Variants in TMEM182 observed in about 807,000 individuals in gnomAD.
TMEM182 encodes transmembrane protein 182.
TMEM182 carries 20 observed loss-of-function variants against 26.8 expected under a neutral mutation model. The observed-to-expected ratio is 0.75, with a 90% CI of 0.53 to 1.09. The LOEUF (loss-of-function observed/expected upper bound fraction) is 1.09, where lower values mean the gene tolerates loss of function less well. TMEM182 is among the 50% of genes least tolerant of loss of function. The probability of loss-of-function intolerance (pLI) is 0.00; values close to 1 mark genes in which losing one functional copy is unlikely to be tolerated. For synonymous variants in TMEM182, 109 were observed against 102.2 expected, an observed-to-expected ratio of 1.07 and a Z score of -0.40; for missense variants, 277 against 275.5, an observed-to-expected ratio of 1.01 and a Z score of -0.04.
rs1473239512 is a variant in TMEM182 at position 102,797,966 on chromosome 2, C to T, written c.435C>T (p.Leu145=). The change falls in exon 4 of 5, where the codon CTC becomes CTT. Residue 145 remains leucine, a synonymous_variant. Coordinates refer to ENST00000412401, the MANE Select transcript of TMEM182 (RefSeq NM_144632.5). ...CAGCCCCCTTCGCCAGCCATTTTCT[C>T]TACAAAGCTGGGGGAGGCTCATATA... is the stretch of plus-strand genomic sequence containing the variant. ...ICAAPFASHF[L]YKAGGGSYIA... is the part of the protein sequence containing the mutation. 1 of 1,614,090 alleles carries T rather than the reference C, an allele frequency of 6.2e-7. No homozygotes were observed. The highest frequency in any genetic ancestry group is 1.7e-5 in the Admixed American group (1 of 59,988).
intron 3 of TMEM182, among the ~76,000 whole-genome samples, chr2:102,837,994 G>A (rs1051647583): frequency 6.6e-6 from 1 of 152,192 alleles, no homozygotes; most frequent in Non-Finnish European, 1.5e-5. Context: ...ACTAAACAAA[G>A]TGCAGGGCCC....
intron 3 of TMEM182, among the ~76,000 whole-genome samples, chr2:102,833,984 C>T (rs1683196444): frequency 1.3e-5 from 2 of 152,158 alleles, no homozygotes; most frequent in South Asian, 4.1e-4. Flanking sequence ...TAACTTATCC[C>T]ATTTGTGTAA....
rs113892479 is a variant in TMEM182, at chr2:102,827,499, A to C, written c.326-15913A>C. On this transcript the variant is annotated intron_variant, in intron 3 of 3. Coordinates refer to the TMEM182 transcript ENST00000486293. ...AATGTTCTCAGCTTCACGGCCCTCC[A>C]GTCTGGGTTTCTGTGCTATCTCGAA... is the stretch of plus-strand genomic sequence containing the variant. 7.2e-3 allele frequency among the ~76,000 whole-genome samples: 1,092 copies of C among 152,330 alleles called. 15 individuals carry two copies. The highest frequency in any genetic ancestry group is 0.025 in the African/African-American group (1,049 of 41,574).
At chr2:102,819,880 C>T (rs1682875761), downstream of TMEM182, among the ~76,000 whole-genome samples, 1 of 152,116 alleles carries the variant, frequency 6.6e-6, no homozygotes, top group Non-Finnish European at 1.5e-5. Context: ...GCCTTCTCTT[C>T]CTTGGATCCA....
chr2:102,835,243 G>A (rs1683222784), intron 3 of TMEM182, among the ~76,000 whole-genome samples: 1 of 152,146 alleles, frequency 6.6e-6, no homozygotes, highest in African/African-American at 2.4e-5. Flanking sequence ...ATGTAACATT[G>A]GAATCCAAAG....
At chr2:102,778,280 G>A (rs1681014012) in intron 3 of TMEM182, among the ~76,000 whole-genome samples, 1 of 151,714 alleles carries the variant, frequency 6.6e-6, no homozygotes, top group Admixed American at 6.6e-5. Context: ...AGTTTTCTTT[G>A]TGGTGAAGTC....
At chr2:102,779,324 T>C (rs1681059167) in intron 3 of TMEM182, among the ~76,000 whole-genome samples, 1 of 152,214 alleles carries the variant, frequency 6.6e-6, no homozygotes, top group South Asian at 2.1e-4. Context: ...TTTATCCTGT[T>C]TGGACTTTGC....
intron 3 of TMEM182, among the ~76,000 whole-genome samples, chr2:102,839,471 A>ATATAAT (rs1553446276): frequency 5.8e-4 from 78 of 134,876 alleles, no homozygotes; most frequent in African/African-American, 2.2e-3. Context: ...ATATATATAT[A>ATATAAT]ATATATACAC....
intron 3 of TMEM182, among the ~76,000 whole-genome samples, chr2:102,782,578 C>G (rs1395424770): frequency 2.0e-5 from 3 of 152,130 alleles, no homozygotes; most frequent in Non-Finnish European, 1.5e-5. Flanking sequence ...ATCAGGACTA[C>G]TTGAAAGCCA....
rs760592455 is a variant in TMEM182 at position 102,814,946 on chromosome 2, G to A, written c.668G>A (p.Trp223Ter). The change falls in exon 5 of 5, where the codon TGG becomes TAG. Residue 223 changes from tryptophan (W) to a stop codon, truncating the protein, a stop_gained. Transcript: ENST00000412401. LOFTEE classifies it high-confidence loss of function. ...LAGLLFLVVG[W>*]HIQIHH The stretch of plus-strand genomic sequence containing the variant: ...GGATTACTATTTCTGGTTGTTGGAT[G>A]GCATATTCAGATACATCACTAAATC... The A allele has an allele frequency of 2.7e-5, 44 of 1,613,512 alleles. No homozygotes were observed. The highest frequency in any genetic ancestry group is 3.2e-5 in the Non-Finnish European group (38 of 1,179,870).
rs147640501 is a variant in TMEM182, at chr2:102,816,472, G to C, written c.*1504G>C. Reference sequence around the variant, plus strand: ...GAAGGAGCTTTGGAAAAATTGCAAAGGTCTGAATCTTCAGGGCATTTTCAT... The same window carrying C: ...GAAGGAGCTTTGGAAAAATTGCAAACGTCTGAATCTTCAGGGCATTTTCAT... On this transcript the variant is annotated 3_prime_UTR_variant, in exon 5 of 5. Coordinates refer to ENST00000412401, the MANE Select transcript of TMEM182 (RefSeq NM_144632.5). 1.0e-6 allele frequency: 1 copy of C among 984,198 alleles called. No homozygotes were observed. The highest frequency in any genetic ancestry group is 1.2e-6 in the Non-Finnish European group (1 of 829,712). The allele number at this position is 984,198 out of a possible 1,614,324, so 61.0% of individuals were successfully genotyped here.
upstream of TMEM182, among the ~76,000 whole-genome samples, chr2:102,761,152 GAA>G (rs2104653593): frequency 6.6e-6 from 1 of 152,198 alleles, no homozygotes; most frequent in Admixed American, 6.5e-5. Context: ...CAAATACTTA[GAA>G]AAATACTCTC....
At position 102,816,906 on chromosome 2, in the gene TMEM182, A is replaced by C. The variant is rs1359038733; in HGVS notation, c.*1938A>C. ...TTTCGGCAAAGGCTTGAATATTTAT[A>C]AATTTCAGATGGTTATCCTCACTTT... On this transcript the variant is annotated 3_prime_UTR_variant, in exon 5 of 5. Coordinates refer to ENST00000412401, the MANE Select transcript of TMEM182 (RefSeq NM_144632.5). 1.0e-6 allele frequency: 1 copy of C among 985,668 alleles called. No homozygotes were observed. Among genetic ancestry groups the C allele is most frequent in the East Asian group, 1.1e-4 (1 of 8,828 alleles). 61.1% of individuals were successfully genotyped at this position (985,668 alleles called of 1,614,324 possible).
At chr2:102,827,629 T>C (rs1683060051) in intron 3 of TMEM182, among the ~76,000 whole-genome samples, 1 of 152,204 alleles carries the variant, frequency 6.6e-6, no homozygotes, top group African/African-American at 2.4e-5. Context: ...AGAAACAATT[T>C]TGCCCCTGCC....
chr2:102,744,677 A>G (rs1679638855), intron 1 of TMEM182, among the ~76,000 whole-genome samples: 1 of 152,124 alleles, frequency 6.6e-6, no homozygotes, highest in Non-Finnish European at 1.5e-5. Context: ...AGAATTCTAG[A>G]TTGACAAGTG....
chr2:102,782,575 C>A (rs1304391352), intron 3 of TMEM182, among the ~76,000 whole-genome samples: 1 of 152,110 alleles, frequency 6.6e-6, no homozygotes, highest in Non-Finnish European at 1.5e-5. Flanking sequence ...TACATCAGGA[C>A]TACTTGAAAG....
At chr2:102,742,294 T>C (rs771759305) in intron 1 of TMEM182, among the ~76,000 whole-genome samples, 7 of 152,146 alleles carry the variant, frequency 4.6e-5, no homozygotes, top group Non-Finnish European at 8.8e-5. Context: ...GAAACAATCA[T>C]TGAGCTTGAA....
At chr2:102,759,438 C>G (rs1033390372), upstream of TMEM182, among the ~76,000 whole-genome samples, 10 of 151,784 alleles carry the variant, frequency 6.6e-5, no homozygotes, top group East Asian at 1.7e-3. Flanking sequence ...TTTTTTTTAC[C>G]CCCACTAGCT....
At chr2:102,791,279 A>G (rs1042630765) in intron 3 of TMEM182, among the ~76,000 whole-genome samples, 2 of 152,208 alleles carry the variant, frequency 1.3e-5, no homozygotes, top group Admixed American at 6.5e-5. Context: ...TCAAATAATT[A>G]CTAGAAAATA....
Sources: allele counts gnomAD v4.1 joint callset (sites outside exome capture counted in the v4.1 genomes callset), GRCh38; gene constraint gnomAD v4.1.1; transcripts MANE v1.5; gene names NCBI Gene and HGNC (gene_info 2026-07-23, HGNC 2026-07-21).